The following NCOA2 variants were observed in gnomAD, a reference collection of about 807,000 sequenced individuals.
NCOA2 encodes the protein class E basic helix-loop-helix protein 75.
NCOA2 carries 21 observed loss-of-function variants against 145.1 expected under a neutral mutation model. The observed-to-expected ratio is 0.14, with a 90% CI of 0.10 to 0.21. The LOEUF (loss-of-function observed/expected upper bound fraction) is 0.21, where lower values mean the gene tolerates loss of function less well. NCOA2 is among the 10% of genes least tolerant of loss of function. The pLI is 1.00. For synonymous variants in NCOA2, 619 were observed against 637.5 expected (o/e 0.97, Z 0.44); for missense variants, 1,472 against 1,837.6 (o/e 0.80, Z 3.64).
intron 2 of NCOA2, among the ~76,000 whole-genome samples, chr8:70,226,436 T>C (rs1820645353): frequency 6.6e-6 from 1 of 152,050 alleles, no homozygotes; most frequent in African/African-American, 2.4e-5. Context: ...ACATGCTTAT[T>C]TTCAGAAAAA....
chr8:70,424,634 A>G, the NCOA2 span: 2 of 371,258 alleles, frequency 5.4e-6, no homozygotes, highest in South Asian at 2.2e-5. Context: ...CTTTTTCTGC[A>G]AAAAGCCAGA....
intron 4 of NCOA2, among the ~76,000 whole-genome samples, chr8:70,190,715 G>T (rs1816585949): frequency 6.6e-6 from 1 of 152,126 alleles, no homozygotes; most frequent in Non-Finnish European, 1.5e-5. Flanking sequence ...ATTTAGCTGG[G>T]CGTGGTGGTA....
upstream of NCOA2, among the ~76,000 whole-genome samples, chr8:70,405,485 G>GCTAAA (rs1303092335): frequency 3.2e-5 from 3 of 92,938 alleles, no homozygotes; most frequent in Non-Finnish European, 5.6e-5. Flanking sequence ...TGGAATAATA[G>GCTAAA]AATTATGTTC....
intron 9 of NCOA2, among the ~76,000 whole-genome samples, chr8:70,160,678 A>AGAGAGAGAGAGAGAGG (rs1421486002): frequency 6.9e-6 from 1 of 145,382 alleles, no homozygotes; most frequent in Non-Finnish European, 1.5e-5. Flanking sequence ...AGAGAGAGAG[A>AGAGAGAGAGAGAGAGG]GAGGGAGAGA....
At chr8:70,417,245 T>TAAAAAAAAAAAAAAAAAAAAAAA in the NCOA2 span, among the ~76,000 whole-genome samples, 2 of 77,996 alleles carry the variant, frequency 2.6e-5, no homozygotes, top group African/African-American at 8.9e-5. Flanking sequence ...TCGTCTCTAT[T>TAAAAAAAAAAAAAAAAAAAAAAA]AAAAAAAAAA....
chr8:70,330,630 A>G (rs16936923), intron 1 of NCOA2, among the ~76,000 whole-genome samples: 8,332 of 152,072 alleles, frequency 0.055, 304 homozygotes, highest in East Asian at 0.16. Context: ...AGTAAAAACA[A>G]TAGCTGGCAG....
At chr8:70,326,905 G>A (rs1806636494) in intron 1 of NCOA2, among the ~76,000 whole-genome samples, 1 of 152,142 alleles carries the variant, frequency 6.6e-6, no homozygotes, top group Non-Finnish European at 1.5e-5. Flanking sequence ...AAAGGCCTCA[G>A]CTACCTTACT....
intron 7 of NCOA2, among the ~76,000 whole-genome samples, chr8:70,164,417 G>A (rs147659021): frequency 6.6e-6 from 1 of 152,226 alleles, no homozygotes; most frequent in African/African-American, 2.4e-5. Flanking sequence ...ATTTCTGATT[G>A]TTTACCTCTA....
chr8:70,112,707 A>G lies in NCOA2; in HGVS notation c.*925T>C, dbSNP rs1367041937. The G allele has an allele frequency of 1.5e-5, 3 of 205,078 alleles. No homozygotes were observed. The highest frequency in any genetic ancestry group is 6.9e-5 in the African/African-American group (3 of 43,768). The allele number at this position is 205,078 out of a possible 1,614,324, so 12.7% of individuals were successfully genotyped here. A position where few individuals can be genotyped will look rare whatever the true frequency, so the allele number is the denominator to read the frequency against. ...AGTGGCTGGCAAAACATTTAAGGAA[A>G]TAAAGGGCTTACCTGGTTTCTGTAG... On this transcript the variant is annotated 3_prime_UTR_variant, in exon 23 of 23. Transcript: ENST00000452400.
chr8:70,233,321 G>A (rs1017656234), intron 2 of NCOA2, among the ~76,000 whole-genome samples: 3 of 152,078 alleles, frequency 2.0e-5, no homozygotes, highest in Non-Finnish European at 2.9e-5. Flanking sequence ...TATTATTTCT[G>A]CAGTGAAATG....
chr8:70,225,436 C>T (rs1007284922), intron 2 of NCOA2, among the ~76,000 whole-genome samples: 1 of 151,952 alleles, frequency 6.6e-6, no homozygotes, highest in African/African-American at 2.4e-5. Context: ...GTAATCCCAG[C>T]TACTCAGGAG....
chr8:70,270,035 T>A (rs952650446), intron 2 of NCOA2, among the ~76,000 whole-genome samples: 9 of 152,074 alleles, frequency 5.9e-5, no homozygotes, highest in African/African-American at 2.2e-4. Context: ...GGCTCATTTT[T>A]AAATTTTATC....
intron 2 of NCOA2, among the ~76,000 whole-genome samples, chr8:70,288,255 G>A (rs1826388951): frequency 6.6e-6 from 1 of 152,154 alleles, no homozygotes; most frequent in Non-Finnish European, 1.5e-5. Context: ...TGATGTGAAA[G>A]AGGAAGGGTT....
chr8:70,162,185 T>C (rs1336394581), intron 9 of NCOA2, among the ~76,000 whole-genome samples: 1 of 152,180 alleles, frequency 6.6e-6, no homozygotes, highest in Non-Finnish European at 1.5e-5. Context: ...GCTGCTGTTA[T>C]TACTGAAGTC....
chr8:70,392,979 C>T (rs1563840384), intron 1 of NCOA2, among the ~76,000 whole-genome samples: 1 of 152,112 alleles, frequency 6.6e-6, no homozygotes, highest in Non-Finnish European at 1.5e-5. Context: ...ATACCTGAAC[C>T]TCAAAAGGAA....
chr8:70,200,534 C>T (rs1236969947), intron 4 of NCOA2, among the ~76,000 whole-genome samples: 1 of 152,156 alleles, frequency 6.6e-6, no homozygotes, highest in Admixed American at 6.5e-5. Flanking sequence ...TAAGGGTTTC[C>T]TGACTGACAA....
intron 4 of NCOA2, among the ~76,000 whole-genome samples, chr8:70,181,835 G>A (rs1815516089): frequency 6.6e-6 from 1 of 152,170 alleles, no homozygotes; most frequent in South Asian, 2.1e-4. Flanking sequence ...GATGTTTCAG[G>A]TGAAGTGACT....
intron 20 of NCOA2, 39 bp downstream of exon 20, chr8:70,124,649 C>CA: frequency 6.5e-7 from 1 of 1,549,372 alleles, no homozygotes; most frequent in South Asian, 1.2e-5. Context: ...CTTCAGCTGT[C>CA]ACAGTGGCGG....
intron 1 of NCOA2, among the ~76,000 whole-genome samples, chr8:70,310,082 G>A (rs1828197963): frequency 6.6e-6 from 1 of 151,974 alleles, no homozygotes; most frequent in South Asian, 2.1e-4. Context: ...CTGTAACCCA[G>A]CACTTTGGGA....
Sources: gnomAD v4.1 joint callset for allele counts (sites outside exome capture counted in the v4.1 genomes callset) on GRCh38, gnomAD v4.1.1 for gene constraint, MANE v1.5 for transcripts, NCBI Gene and HGNC (gene_info 2026-07-23, HGNC 2026-07-21) for gene names.